The following PRIM2 variants were observed in gnomAD, a reference collection of about 807,000 sequenced individuals.
PRIM2 encodes DNA primase large subunit.
Under a neutral mutation model 67.3 loss-of-function variants are expected in PRIM2, and 39 were observed. The ratio of observed to expected loss-of-function variants is 0.58; its 90% CI spans 0.45 to 0.76. The LOEUF (loss-of-function observed/expected upper bound fraction) is 0.76, where lower values mean the gene tolerates loss of function less well. Among genes scored for constraint, PRIM2 ranks in the 30% least tolerant of loss-of-function variants. PRIM2 has a pLI of 0.00. For synonymous variants in PRIM2, 143 were observed against 198.7 expected, an observed-to-expected ratio of 0.72 and a Z score of 2.36; for missense variants, 398 against 598.7, an observed-to-expected ratio of 0.66 and a Z score of 3.50.
intron 7 of PRIM2, among the ~76,000 whole-genome samples, chr6:57,402,317 A>G (rs972921406): frequency 5.3e-5 from 8 of 152,026 alleles, no homozygotes; most frequent in Non-Finnish European, 1.0e-4. Context: ...GTGGCTGGAG[A>G]CCCCACATTT....
intron 7 of PRIM2, among the ~76,000 whole-genome samples, chr6:57,446,418 C>CTTTTTTTTTTCTTTTT (rs1772367331): frequency 1.2e-5 from 1 of 83,814 alleles, no homozygotes; most frequent in Non-Finnish European, 2.3e-5. Flanking sequence ...CACGCCACTT[C>CTTTTTTTTTTCTTTTT]TTTTTTTTTT....
At chr6:57,304,908 T>C in the PRIM2 span, among the ~76,000 whole-genome samples, 2 of 152,218 alleles carry the variant, frequency 1.3e-5, no homozygotes, top group African/African-American at 4.8e-5. Flanking sequence ...CCCTAAGTGA[T>C]AGATTATATG....
intron 5 of PRIM2, among the ~76,000 whole-genome samples, chr6:57,330,348 G>GTTTTTTTTTT (rs1238317111): frequency 6.6e-4 from 58 of 87,696 alleles, no homozygotes; most frequent in African/African-American, 1.0e-3. Flanking sequence ...TGCTGAACTT[G>GTTTTTTTTTT]TTTTTTTTTT....
intron 12 of PRIM2, among the ~76,000 whole-genome samples, chr6:57,626,479 G>A (rs1196541094): frequency 1.3e-5 from 2 of 151,996 alleles, no homozygotes; most frequent in African/African-American, 2.4e-5. Context: ...CTGCAAAGAT[G>A]TCTTTGGTGA....
intron 13 of PRIM2, among the ~76,000 whole-genome samples, chr6:57,640,339 C>T (rs1463693455): frequency 6.6e-6 from 1 of 152,160 alleles, no homozygotes; most frequent in Non-Finnish European, 1.5e-5. Flanking sequence ...GACAAGGATG[C>T]CCTCTCTCAC....
intron 5 of PRIM2, among the ~76,000 whole-genome samples, chr6:57,370,339 A>G (rs1245905273): frequency 6.6e-6 from 1 of 152,246 alleles, no homozygotes; most frequent in Non-Finnish European, 1.5e-5. Context: ...AAGCAAGAGT[A>G]AAGAGAATAT....
At chr6:57,283,052 C>A in the PRIM2 span, among the ~76,000 whole-genome samples, 1 of 152,074 alleles carries the variant, frequency 6.6e-6, no homozygotes, top group Non-Finnish European at 1.5e-5. Flanking sequence ...CCCTTATTGG[C>A]ACAGCTATTA....
the PRIM2 span, among the ~76,000 whole-genome samples, chr6:57,235,571 G>A: frequency 2.0e-5 from 3 of 152,210 alleles, no homozygotes; most frequent in Admixed American, 2.0e-4. Context: ...TCTGTGATAG[G>A]CAAGATAATG....
intron 7 of PRIM2, among the ~76,000 whole-genome samples, chr6:57,480,684 A>G (rs1212163994): frequency 1.3e-5 from 2 of 152,130 alleles, no homozygotes; most frequent in African/African-American, 4.8e-5. Flanking sequence ...GCTGGAGTGC[A>G]ATGGTGCGAT....
At chr6:57,503,097 C>A (rs1774173295) in intron 7 of PRIM2, among the ~76,000 whole-genome samples, 2 of 152,196 alleles carry the variant, frequency 1.3e-5, no homozygotes, top group African/African-American at 4.8e-5. Flanking sequence ...CTTACATTCA[C>A]TCTACAAAAC....
intron 10 of PRIM2, among the ~76,000 whole-genome samples, chr6:57,599,834 T>A (rs1470239412): frequency 0.28 from 42,430 of 152,142 alleles, 6,271 homozygotes; most frequent in East Asian, 0.44. Flanking sequence ...ATTTAATTTT[T>A]AATTTTTTTT....
chr6:57,326,428 G>A, intron 5 of PRIM2: 1 of 159,114 alleles, frequency 6.3e-6, no homozygotes, highest in South Asian at 1.9e-4. Context: ...TTATTTAAAA[G>A]TCAGTTGTCA....
At chr6:57,484,020 C>T (rs1164105954) in intron 7 of PRIM2, among the ~76,000 whole-genome samples, 7 of 152,038 alleles carry the variant, frequency 4.6e-5, no homozygotes, top group African/African-American at 1.7e-4. Flanking sequence ...GTTCTCATGC[C>T]GTTAAAATAG....
intron 7 of PRIM2, among the ~76,000 whole-genome samples, chr6:57,498,175 CT>C (rs1774048433): frequency 1.3e-5 from 2 of 151,776 alleles, no homozygotes; most frequent in African/African-American, 4.8e-5. Flanking sequence ...AAATTGTTGC[CT>C]TTTGATTTTT....
the PRIM2 span, among the ~76,000 whole-genome samples, chr6:57,227,578 A>T: frequency 7.2e-6 from 1 of 138,858 alleles, no homozygotes; most frequent in Admixed American, 7.9e-5. Context: ...CGGGAGATGG[A>T]GGTTGCAGTG....
At chr6:57,367,508 A>G (rs1769398737) in intron 5 of PRIM2, among the ~76,000 whole-genome samples, 1 of 152,228 alleles carries the variant, frequency 6.6e-6, no homozygotes, top group Non-Finnish European at 1.5e-5. Context: ...ACCTAACATT[A>G]AAACTTAAAA....
At chr6:57,553,378 A>C (rs1320145281) in intron 10 of PRIM2, among the ~76,000 whole-genome samples, 1 of 151,950 alleles carries the variant, frequency 6.6e-6, no homozygotes. Flanking sequence ...TAGTTTTAAA[A>C]ATACTTAAAA....
At chr6:57,610,137 C>T (rs1387000185) in intron 12 of PRIM2, among the ~76,000 whole-genome samples, 4 of 152,130 alleles carry the variant, frequency 2.6e-5, no homozygotes, top group Admixed American at 6.5e-5. Flanking sequence ...GGCGCAATCT[C>T]GGCTCACTGC....
rs1221735506 is a variant in PRIM2, at chr6:57,456,705, G to A, written c.694-50682G>A. On this transcript the variant is annotated intron_variant, in intron 7 of 13. Transcript: ENST00000615550. ...CATTCGTCTAGTTTTTTTTTTCAAG[G>A]TTTTTAACTTCTTTGCCATGGGTTC... is the stretch of plus-strand genomic sequence containing the variant. 1.2e-3 allele frequency among the ~76,000 whole-genome samples: 189 copies of A among 151,912 alleles called. 5 individuals are homozygous for A. The East Asian group carries it at 0.016, about 13-fold the overall frequency.
Sources: allele counts gnomAD v4.1 joint callset (sites outside exome capture counted in the v4.1 genomes callset), GRCh38; gene constraint gnomAD v4.1.1; transcripts MANE v1.5; gene names NCBI Gene and HGNC (gene_info 2026-07-23, HGNC 2026-07-21).